The following OPCML variants were observed in gnomAD, a reference collection of about 807,000 sequenced individuals.
The protein encoded by OPCML is opioid-binding protein/cell adhesion molecule.
A neutral mutation model predicts 37.8 loss-of-function variants in OPCML; 13 were observed. That is an observed-to-expected ratio of 0.34 (90% CI 0.22 to 0.55). OPCML has a LOEUF of 0.55. Among genes scored for constraint, OPCML ranks in the 20% least tolerant of loss-of-function variants. The pLI, the probability that OPCML is intolerant of heterozygous loss-of-function variation, is 0.91. For synonymous variants in OPCML, 176 were observed against 168.8 expected, an observed-to-expected ratio of 1.04 and a Z score of -0.33; for missense variants, 341 against 435.6, an observed-to-expected ratio of 0.78 and a Z score of 1.93.
intron 2 of OPCML, among the ~76,000 whole-genome samples, chr11:132,751,082 G>A (rs1945816122): frequency 6.6e-6 from 1 of 152,114 alleles, no homozygotes; most frequent in African/African-American, 2.4e-5. Context: ...AACAAGAACA[G>A]GTTTGTTCAA....
intron 2 of OPCML, among the ~76,000 whole-genome samples, chr11:132,837,854 G>A (rs1941107806): frequency 6.6e-6 from 1 of 152,210 alleles, no homozygotes; most frequent in Non-Finnish European, 1.5e-5. Context: ...TACCAAGACA[G>A]GCCCTCCCTC....
chr11:132,473,365 A>G (rs1592227524), intron 4 of OPCML, among the ~76,000 whole-genome samples: 1 of 152,222 alleles, frequency 6.6e-6, no homozygotes, highest in East Asian at 1.9e-4. Flanking sequence ...GAAAGACCCA[A>G]TCTGTAAGTG....
At chr11:133,191,905 G>A (rs1938337673) in intron 1 of OPCML, among the ~76,000 whole-genome samples, 1 of 152,310 alleles carries the variant, frequency 6.6e-6, no homozygotes, top group Middle Eastern at 3.4e-3. Flanking sequence ...AAATGGGCAA[G>A]GCTTTTGGTG....
chr11:132,616,456 T>A (rs1430483255), intron 3 of OPCML, among the ~76,000 whole-genome samples: 1 of 152,220 alleles, frequency 6.6e-6, no homozygotes, highest in Non-Finnish European at 1.5e-5. Flanking sequence ...GCAAAGGCAG[T>A]TTCATATCTA....
intron 2 of OPCML, among the ~76,000 whole-genome samples, chr11:132,668,895 C>T (rs1051426137): frequency 2.0e-5 from 3 of 152,178 alleles, no homozygotes; most frequent in Non-Finnish European, 2.9e-5. Context: ...ACTCAACCTA[C>T]GTAGAATTCT....
At chr11:132,703,019 A>C (rs555846510) in intron 2 of OPCML, among the ~76,000 whole-genome samples, 106 of 152,166 alleles carry the variant, frequency 7.0e-4, no homozygotes, top group Non-Finnish European at 1.2e-3. Context: ...CTTTAAAGAC[A>C]ATTATTTTAA....
chr11:132,547,185 A>G (rs974878163), intron 3 of OPCML, among the ~76,000 whole-genome samples: 1 of 152,204 alleles, frequency 6.6e-6, no homozygotes, highest in African/African-American at 2.4e-5. Flanking sequence ...ATTAAAATTG[A>G]TGAAATACCT....
At chr11:133,181,034 T>C (rs1937801598) in intron 1 of OPCML, among the ~76,000 whole-genome samples, 1 of 152,178 alleles carries the variant, frequency 6.6e-6, no homozygotes, top group Non-Finnish European at 1.5e-5. Context: ...TTATGTGGTT[T>C]AAAAAAATCC....
At chr11:133,276,194 G>T (rs552208094) in intron 1 of OPCML, among the ~76,000 whole-genome samples, 1 of 152,104 alleles carries the variant, frequency 6.6e-6, no homozygotes. Context: ...AGATAGAATC[G>T]CTGGGTTTCT....
At chr11:133,136,584 C>T (rs535633125) in intron 1 of OPCML, among the ~76,000 whole-genome samples, 73 of 151,968 alleles carry the variant, frequency 4.8e-4, no homozygotes, top group African/African-American at 1.7e-3. Context: ...GGAGGAAGGG[C>T]ATTCCAGGAA....
intron 3 of OPCML, among the ~76,000 whole-genome samples, chr11:132,626,321 C>A (rs144534002): frequency 6.6e-6 from 1 of 151,928 alleles, no homozygotes; most frequent in East Asian, 1.9e-4. Flanking sequence ...CAACTCTCAG[C>A]CTATTCAAGG....
intron 1 of OPCML, among the ~76,000 whole-genome samples, chr11:133,306,196 C>T (rs1942912523): frequency 6.6e-6 from 1 of 152,124 alleles, no homozygotes; most frequent in Non-Finnish European, 1.5e-5. Flanking sequence ...GAGTGCAGCC[C>T]AGCTCCGTGT....
rs150612681 is a variant in OPCML, at chr11:132,428,684, C to T, written c.916+7402G>A. ...CAGACAGACCTAGGTACAAAACCTG[C>T]TGCTGTCCCTTGCCCCTTCCATCCA... On this transcript the variant is annotated intron_variant, in intron 7 of 7. Coordinates refer to ENST00000524381, the MANE Select transcript of OPCML (RefSeq NM_001012393.5). Among the ~76,000 whole-genome samples the T allele has an allele frequency of 1.1e-3, 172 of 152,326 alleles. 2 individuals carry two copies. The highest frequency in any genetic ancestry group is 3.1e-3 in the East Asian group (16 of 5,178).
intron 2 of OPCML, among the ~76,000 whole-genome samples, chr11:132,708,363 CA>C (rs1300064772): frequency 6.6e-6 from 1 of 152,084 alleles, no homozygotes; most frequent in Non-Finnish European, 1.5e-5. Flanking sequence ...TGTAATCCCC[CA>C]AATGTAAGGG....
intron 2 of OPCML, among the ~76,000 whole-genome samples, chr11:132,840,423 G>A (rs1200076608): frequency 1.3e-5 from 2 of 152,180 alleles, no homozygotes; most frequent in African/African-American, 4.8e-5. Context: ...GCCCAGGCTT[G>A]CCAGTTCCCA....
Position 133,377,612 on chromosome 11 carries a change from G to GAAAAAAAAAAAAAAAAAAAAAAAAAAAAA in OPCML, c.61+154651_61+154652insTTTTTTTTTTTTTTTTTTTTTTTTTTTTT, listed in dbSNP as rs71477791. ...GCTCTCTCTGACGTGCCAGTATTCA[G>GAAAAAAAAAAAAAAAAAAAAAAAAAAAAA]AAAAAAAAAAAAAAAGAGCACCAAG... On this transcript the variant is annotated intron_variant, in intron 1 of 7. Transcript: ENST00000524381. Among the ~76,000 whole-genome samples the GAAAAAAAAAAAAAAAAAAAAAAAAAAAAA allele has an allele frequency of 4.8e-4, 38 of 79,046 alleles. 8 individuals are homozygous for GAAAAAAAAAAAAAAAAAAAAAAAAAAAAA. Among genetic ancestry groups the GAAAAAAAAAAAAAAAAAAAAAAAAAAAAA allele is most frequent in the African/African-American group, 6.4e-4 (11 of 17,228 alleles). 51.9% of individuals were successfully genotyped at this position (79,046 alleles called of 152,430 possible). A position where few individuals can be genotyped will look rare whatever the true frequency, so the allele number is the denominator to read the frequency against.
intron 3 of OPCML, among the ~76,000 whole-genome samples, chr11:132,599,114 A>G: frequency 6.6e-6 from 1 of 152,148 alleles, no homozygotes; most frequent in Admixed American, 6.5e-5. Flanking sequence ...CCCCATCTCT[A>G]CTAAAAATAC....
chr11:133,006,683 G>T (rs1013080690), intron 1 of OPCML: 1 of 985,284 alleles, frequency 1.0e-6, no homozygotes, highest in African/African-American at 1.7e-5. Flanking sequence ...CCACATGTCT[G>T]CCACTTCCAC....
intron 1 of OPCML, among the ~76,000 whole-genome samples, chr11:133,021,319 C>T (rs1251450744): frequency 6.6e-6 from 1 of 152,148 alleles, no homozygotes; most frequent in Admixed American, 6.5e-5. Context: ...AGGAAAGAAA[C>T]TTGTTTTCAT....
Sources: gnomAD v4.1 joint callset for allele counts (sites outside exome capture counted in the v4.1 genomes callset) on GRCh38, gnomAD v4.1.1 for gene constraint, MANE v1.5 for transcripts, NCBI Gene and HGNC (gene_info 2026-07-23, HGNC 2026-07-21) for gene names.